Variants in PDGFC observed in about 807,000 individuals in gnomAD.
PDGFC encodes the protein platelet-derived growth factor C.
Under a neutral mutation model 35.5 loss-of-function variants are expected in PDGFC, and 12 were observed. The observed-to-expected ratio is 0.34, with a 90% CI of 0.22 to 0.55. The LOEUF (loss-of-function observed/expected upper bound fraction) is 0.55, where lower values mean the gene tolerates loss of function less well. Among genes scored for constraint, PDGFC ranks in the 20% least tolerant of loss-of-function variants. The pLI, the probability that PDGFC is intolerant of heterozygous loss-of-function variation, is 0.91. For synonymous variants in PDGFC, 159 were observed against 148.8 expected, an observed-to-expected ratio of 1.07 and a Z score of -0.50; for missense variants, 322 against 412.4, an observed-to-expected ratio of 0.78 and a Z score of 1.90.
At chr4:156,806,136 CAT>C (rs1220138790) in intron 3 of PDGFC, among the ~76,000 whole-genome samples, 1 of 152,144 alleles carries the variant, frequency 6.6e-6, no homozygotes, top group East Asian at 1.9e-4. Context: ...ACTGATTATA[CAT>C]AGTTTTTTAA....
intron 2 of PDGFC, among the ~76,000 whole-genome samples, chr4:156,813,573 T>C (rs1731998980): frequency 6.6e-6 from 1 of 152,004 alleles, no homozygotes; most frequent in Non-Finnish European, 1.5e-5. Context: ...AGAAGTACAA[T>C]ACATAAGATG....
At chr4:156,786,127 T>C (rs990805347) in intron 3 of PDGFC, among the ~76,000 whole-genome samples, 7 of 152,284 alleles carry the variant, frequency 4.6e-5, no homozygotes, top group Middle Eastern at 3.4e-3. Flanking sequence ...TCACCATTTA[T>C]GTAATATATA....
At chr4:156,911,961 G>C (rs1313773303) in intron 1 of PDGFC, among the ~76,000 whole-genome samples, 1 of 152,020 alleles carries the variant, frequency 6.6e-6, no homozygotes, top group Non-Finnish European at 1.5e-5. Context: ...AAATTTTTTG[G>C]CAGAAGTTAA....
At chr4:156,966,096 G>A (rs1732459899) in intron 1 of PDGFC, among the ~76,000 whole-genome samples, 1 of 152,118 alleles carries the variant, frequency 6.6e-6, no homozygotes, top group Non-Finnish European at 1.5e-5. Context: ...ACTAACACTG[G>A]TGCATACTAA....
chr4:156,915,326 ATC>A (rs1731133335), intron 1 of PDGFC, among the ~76,000 whole-genome samples: 2 of 152,136 alleles, frequency 1.3e-5, no homozygotes. Flanking sequence ...TAAGGTGGTC[ATC>A]AGTTTCTATT....
At chr4:156,857,894 C>T (rs189185407) in intron 1 of PDGFC, among the ~76,000 whole-genome samples, 6 of 152,026 alleles carry the variant, frequency 3.9e-5, no homozygotes, top group South Asian at 2.1e-4. Flanking sequence ...GGCAGATGTA[C>T]GGTAGTATTG....
intron 1 of PDGFC, among the ~76,000 whole-genome samples, chr4:156,857,888 G>C (rs964468044): frequency 1.3e-5 from 2 of 152,056 alleles, no homozygotes; most frequent in Non-Finnish European, 2.9e-5. Flanking sequence ...AAAGTGGGCA[G>C]ATGTACGGTA....
chr4:156,847,029 T>C (rs188139579), intron 2 of PDGFC, among the ~76,000 whole-genome samples: 1 of 151,666 alleles, frequency 6.6e-6, no homozygotes, highest in Admixed American at 6.6e-5. Context: ...ATATTATTAA[T>C]TTTTACTAAT....
Position 156,922,196 on chromosome 4 carries a change from C to CTG in PDGFC, c.118+48588_118+48589dup, listed in dbSNP as rs146040700. Among the ~76,000 whole-genome samples the CTG allele has an allele frequency of 7.3e-3, 950 of 130,532 alleles. 15 individuals carry two copies. The highest frequency in any genetic ancestry group is 0.026 in the African/African-American group (894 of 34,186). 85.6% of individuals were successfully genotyped at this position (130,532 alleles called of 152,430 possible). The stretch of plus-strand genomic sequence containing the variant: ...TGTGTGTGTGTGTGTGTGTGTGCAT[C>CTG]TGTGTGTGTGTGTATATCTGGTTCC... On this transcript the variant is annotated intron_variant, in intron 1 of 5. Coordinates refer to ENST00000502773, the MANE Select transcript of PDGFC (RefSeq NM_016205.3).
chr4:156,863,820 G>T (rs767327965), intron 1 of PDGFC, among the ~76,000 whole-genome samples: 1 of 151,966 alleles, frequency 6.6e-6, no homozygotes, highest in Non-Finnish European at 1.5e-5. Flanking sequence ...ACTGATGAGG[G>T]TTAAAAATAT....
At chr4:156,845,291 A>G (rs973934795) in intron 2 of PDGFC, among the ~76,000 whole-genome samples, 24 of 151,850 alleles carry the variant, frequency 1.6e-4, no homozygotes, top group Non-Finnish European at 8.9e-5. Flanking sequence ...TAAAAATAAA[A>G]CAATTAAAAT....
At chr4:156,897,683 T>G (rs182503999) in intron 1 of PDGFC, among the ~76,000 whole-genome samples, 1 of 152,316 alleles carries the variant, frequency 6.6e-6, no homozygotes, top group East Asian at 1.9e-4. Flanking sequence ...ACATTAGCAT[T>G]TTTATGTCTA....
chr4:156,808,484 A>G (rs1731833286), intron 3 of PDGFC, among the ~76,000 whole-genome samples: 1 of 152,016 alleles, frequency 6.6e-6, no homozygotes, highest in Admixed American at 6.6e-5. Flanking sequence ...GAAAAATAAA[A>G]GCATCAGAGA....
At chr4:156,850,868 T>C (rs888077957) in intron 1 of PDGFC, among the ~76,000 whole-genome samples, 1 of 152,164 alleles carries the variant, frequency 6.6e-6, no homozygotes, top group Admixed American at 6.6e-5. Flanking sequence ...ATTCAAAGAT[T>C]TGCATTAATT....
chr4:156,825,342 A>C (rs1448589411), intron 2 of PDGFC, among the ~76,000 whole-genome samples: 1 of 150,894 alleles, frequency 6.6e-6, no homozygotes, highest in Non-Finnish European at 1.5e-5. Context: ...TAAGCTCAGA[A>C]GTTCAAGAAT....
intron 1 of PDGFC, among the ~76,000 whole-genome samples, chr4:156,904,563 C>T (rs938839176): frequency 1.2e-4 from 18 of 152,050 alleles, no homozygotes; most frequent in African/African-American, 4.3e-4. Context: ...AATGAATAAT[C>T]TCTTAAGATT....
chr4:156,871,098 T>G (rs777398080), intron 1 of PDGFC, among the ~76,000 whole-genome samples: 18 of 152,048 alleles, frequency 1.2e-4, no homozygotes, highest in Non-Finnish European at 2.5e-4. Context: ...AAGGCTATAA[T>G]CCTTCGTATT....
intron 2 of PDGFC, among the ~76,000 whole-genome samples, chr4:156,830,507 C>A (rs1416060464): frequency 6.6e-6 from 1 of 151,748 alleles, no homozygotes; most frequent in Non-Finnish European, 1.5e-5. Context: ...GGGCTTTAGT[C>A]ATTTTGGTCA....
At chr4:156,892,257 T>A (rs912961001) in intron 1 of PDGFC, among the ~76,000 whole-genome samples, 7 of 152,318 alleles carry the variant, frequency 4.6e-5, no homozygotes, top group African/African-American at 1.7e-4. Context: ...ATAATCACAG[T>A]GAGTTTTCTT....
Sources: allele counts gnomAD v4.1 joint callset (sites outside exome capture counted in the v4.1 genomes callset), GRCh38; gene constraint gnomAD v4.1.1; transcripts MANE v1.5; gene names NCBI Gene and HGNC (gene_info 2026-07-23, HGNC 2026-07-21).